The following SIPA1L3 variants were observed in gnomAD, a reference collection of about 807,000 sequenced individuals.
SIPA1L3 encodes the protein signal induced proliferation associated 1 like 3, also known as signal-induced proliferation-associated 1-like protein 3.
A neutral mutation model predicts 150.1 loss-of-function variants in SIPA1L3; 59 were observed. That is an observed-to-expected ratio of 0.39 (90% CI 0.32 to 0.49). SIPA1L3 has a LOEUF of 0.49. Ranked by LOEUF, SIPA1L3 falls within the 20% of genes least tolerant of loss-of-function variation. SIPA1L3 has a pLI of 0.86. For synonymous variants in SIPA1L3, 1,070 were observed against 1,077.6 expected, an observed-to-expected ratio of 0.99 and a Z score of 0.14; for missense variants, 2,211 against 2,489.5, an observed-to-expected ratio of 0.89 and a Z score of 2.38.
Position 38,130,614 on chromosome 19 carries a change from C to T in SIPA1L3, c.2985C>T (p.Phe995=), listed in dbSNP as rs192983610. 2.1e-5 allele frequency: 34 copies of T among 1,613,740 alleles called. No individual in the cohort carries two copies. In the Middle Eastern group the frequency reaches 5.0e-4, roughly 23 times the overall value. Reference sequence around the variant, plus strand: ...TGGCCGAGGTTGAGGACTATGGGTTCGCCTGGCAGGCCGGCCTCCGGCAGG... The same window carrying T: ...TGGCCGAGGTTGAGGACTATGGGTTTGCCTGGCAGGCCGGCCTCCGGCAGG... ...GTVAEVEDYG[F]AWQAGLRQGS... is the part of the protein sequence containing the mutation. Residue 995 remains phenylalanine, a synonymous_variant, in exon 10 of 22, where the codon TTC becomes TTT. Transcript: ENST00000222345.
intron 3 of SIPA1L3, among the ~76,000 whole-genome samples, chr19:38,086,820 G>A (rs555477650): frequency 1.3e-3 from 193 of 152,324 alleles, no homozygotes; most frequent in Non-Finnish European, 2.4e-3. Context: ...TGAATACAGC[G>A]TAGTCAAGTA....
At chr19:37,990,737 C>T (rs554686298) in intron 1 of SIPA1L3, among the ~76,000 whole-genome samples, 1 of 152,366 alleles carries the variant, frequency 6.6e-6, no homozygotes, top group East Asian at 1.9e-4. Context: ...GCAGACATCT[C>T]TGTCCACTCA....
At chr19:37,985,888 T>C (rs909114115) in intron 1 of SIPA1L3, among the ~76,000 whole-genome samples, 8 of 152,208 alleles carry the variant, frequency 5.3e-5, no homozygotes, top group Admixed American at 3.9e-4. Context: ...GCCCCTTGGG[T>C]GGACTCCCTG....
rs988153673 is a variant in SIPA1L3, at chr19:38,109,944, G to A, written c.2134-283G>A. The A allele has an allele frequency of 8.9e-5, 34 of 379,962 alleles. No homozygotes were observed. In the Admixed American group the frequency reaches 1.1e-3, roughly 12 times the overall value. The allele number at this position is 379,962 out of a possible 1,614,324, so 23.5% of individuals were successfully genotyped here. On this transcript the variant is annotated intron_variant, in intron 7 of 21. Coordinates refer to ENST00000222345, the MANE Select transcript of SIPA1L3 (RefSeq NM_015073.3). ...TTTATGCAAGACCAGAAGAGGTGACGAAGGAAGCCATGTGGGGACTCAGGA... is the reference window on the plus strand; with the variant it reads ...TTTATGCAAGACCAGAAGAGGTGACAAAGGAAGCCATGTGGGGACTCAGGA...
intron 1 of SIPA1L3, among the ~76,000 whole-genome samples, chr19:37,979,063 C>G (rs1232025405): frequency 6.6e-6 from 1 of 152,126 alleles, no homozygotes. Flanking sequence ...CATCTCCTTT[C>G]AGAAGTCATG....
At chr19:38,125,255 C>T (rs959094133) in intron 9 of SIPA1L3, among the ~76,000 whole-genome samples, 1 of 152,148 alleles carries the variant, frequency 6.6e-6, no homozygotes, top group South Asian at 2.1e-4. Context: ...AGGCTAGTCT[C>T]GAACTCCTGG....
chr19:38,202,135 C>T (rs979785917), intron 20 of SIPA1L3, 138 bp downstream of exon 20: 33 of 767,126 alleles, frequency 4.3e-5, no homozygotes, highest in Admixed American at 9.5e-5. Context: ...GCTACTCCCC[C>T]CTCCTAACAG....
rs754414008 is a variant in SIPA1L3, at chr19:38,130,522, G to T, written c.2893G>T (p.Val965Leu). The T allele has an allele frequency of 3.1e-6, 5 of 1,612,688 alleles. No homozygotes were observed. The highest frequency in any genetic ancestry group is 1.3e-5 in the African/African-American group (1 of 74,940). Reference protein sequence around the residue: ...LKVMTSGWETVDMTLRRNGLG... With the variant: ...LKVMTSGWETLDMTLRRNGLG... ...GGTGATGACCAGTGGCTGGGAGACGGTGGACATGACGCTTCGGCGGAACGG... is the reference window on the plus strand; with the variant it reads ...GGTGATGACCAGTGGCTGGGAGACGTTGGACATGACGCTTCGGCGGAACGG... Residue 965 changes from valine (V) to leucine (L), a missense_variant, in exon 10 of 22, where the codon GTG (valine) becomes TTG (leucine). Transcript: ENST00000222345.
At position 37,968,707 on chromosome 19, in the gene SIPA1L3, T is replaced by G. The variant is rs550847592; in HGVS notation, c.-378-60382T>G. ...TTGATCTCCCAAGTTGGTTCCAGTC[T>G]CAAATTGGTTGTCCTCTGATAGTTA... On this transcript the variant is annotated intron_variant, in intron 1 of 21. Coordinates refer to ENST00000222345, the MANE Select transcript of SIPA1L3 (RefSeq NM_015073.3). Among the ~76,000 whole-genome samples, 148 of 152,358 alleles carry G rather than the reference T, an allele frequency of 9.7e-4. 1 individual carries two copies. The highest frequency in any genetic ancestry group is 6.8e-3 in the Middle Eastern group (2 of 294).
At chr19:37,990,332 C>G (rs914795813) in intron 1 of SIPA1L3, among the ~76,000 whole-genome samples, 1 of 152,200 alleles carries the variant, frequency 6.6e-6, no homozygotes, top group African/African-American at 2.4e-5. Context: ...AACCTCCATT[C>G]ATTCCTATGT....
chr19:38,142,531 C>G lies in SIPA1L3; in HGVS notation c.3396-42C>G, dbSNP rs77313509. 108 of 1,573,250 alleles carry G rather than the reference C, an allele frequency of 6.9e-5. No individual in the cohort carries two copies. The East Asian group carries it at 2.4e-3, about 36-fold the overall frequency. On this transcript the variant is annotated intron_variant, in intron 11 of 21. Coordinates refer to ENST00000222345, the MANE Select transcript of SIPA1L3 (RefSeq NM_015073.3). ...CATCCTCCCAGGGCAGGGGTACCCT[C>G]CTACTCACCCTCTGCCTCCTTCCTC...
At chr19:38,107,752 G>A (rs1385854485) in intron 7 of SIPA1L3, among the ~76,000 whole-genome samples, 14 of 152,160 alleles carry the variant, frequency 9.2e-5, no homozygotes, top group Admixed American at 2.0e-4. Context: ...TGAGGCAGGC[G>A]GATCACCTGA....
rs2145826948 is a variant in SIPA1L3, at chr19:38,083,117, G to T, written c.1534+18G>T. On this transcript the variant is annotated intron_variant, in intron 3 of 21. Transcript: ENST00000222345. ...GGGCAAAGGTGACGGATGGCGTGTGGGTGGGAAGGTTGGGTGGGCCGAGGC... is the reference window on the plus strand; with the variant it reads ...GGGCAAAGGTGACGGATGGCGTGTGTGTGGGAAGGTTGGGTGGGCCGAGGC... The T allele has an allele frequency of 6.3e-7, 1 of 1,596,792 alleles. No homozygotes were observed. Among genetic ancestry groups the T allele is most frequent in the Non-Finnish European group, 8.5e-7 (1 of 1,173,832 alleles).
At chr19:37,920,540 G>A (rs1310476439) in intron 1 of SIPA1L3, among the ~76,000 whole-genome samples, 2 of 152,016 alleles carry the variant, frequency 1.3e-5, no homozygotes, top group Non-Finnish European at 2.9e-5. Context: ...AGACAATGAG[G>A]GCTTATTATA....
chr19:38,192,699 G>A (rs746265596), intron 17 of SIPA1L3, among the ~76,000 whole-genome samples: 2 of 152,170 alleles, frequency 1.3e-5, no homozygotes, highest in Non-Finnish European at 1.5e-5. Context: ...TCAGGGACAC[G>A]GGTGGAAAGA....
chr19:37,915,740 A>T (rs1390552990), intron 1 of SIPA1L3, among the ~76,000 whole-genome samples: 1 of 152,180 alleles, frequency 6.6e-6, no homozygotes, highest in Non-Finnish European at 1.5e-5. Flanking sequence ...ACTATAGCCC[A>T]TCAACTAAGA....
At chr19:38,145,226 A>T (rs1196409244) in intron 12 of SIPA1L3, among the ~76,000 whole-genome samples, 1 of 136,376 alleles carries the variant, frequency 7.3e-6, no homozygotes, top group East Asian at 2.0e-4. Context: ...AGTCACAGGA[A>T]GTTGCCAAAA....
At chr19:38,191,843 G>A (rs1324219423) in intron 16 of SIPA1L3, among the ~76,000 whole-genome samples, 1 of 152,152 alleles carries the variant, frequency 6.6e-6, no homozygotes, top group African/African-American at 2.4e-5. Flanking sequence ...CCCTCACACA[G>A]GGGGTCTGTC....
intron 15 of SIPA1L3, among the ~76,000 whole-genome samples, chr19:38,178,987 A>G (rs1972503428): frequency 6.6e-6 from 1 of 152,204 alleles, no homozygotes; most frequent in African/African-American, 2.4e-5. Flanking sequence ...CAGTCGGACA[A>G]TCCCTGCCTT....
Sources: gnomAD v4.1 joint callset for allele counts (sites outside exome capture counted in the v4.1 genomes callset) on GRCh38, gnomAD v4.1.1 for gene constraint, MANE v1.5 for transcripts, NCBI Gene and HGNC (gene_info 2026-07-23, HGNC 2026-07-21) for gene names.